The following AXIN1 variants were observed in gnomAD, a reference collection of about 807,000 sequenced individuals.
AXIN1 encodes axin 1, also known as axin-1.
AXIN1 carries 30 observed loss-of-function variants against 76.4 expected under a neutral mutation model. The observed-to-expected ratio is 0.39, with a 90% confidence interval of 0.29 to 0.53. AXIN1 has a LOEUF of 0.53. AXIN1 is among the 20% of genes least tolerant of loss of function. AXIN1 has a pLI of 0.66. For missense variants in AXIN1, 1,140 were observed against 1,198.8 expected (o/e 0.95, Z 0.72); for synonymous variants, 545 against 501.4 (o/e 1.09, Z -1.16).
rs1330932279 is a variant in AXIN1, at chr16:332,783, T to A, written c.878+13365A>T. 2.0e-5 allele frequency among the ~76,000 whole-genome samples: 3 copies of A among 151,852 alleles called. 1 individual carries two copies. The highest frequency in any genetic ancestry group is 7.3e-5 in the African/African-American group (3 of 41,292). ...AAGAAATGCAAAATATATGAAAGAT[T>A]TAAAATTTAAAGGATCACTCTAAAT... is the stretch of plus-strand genomic sequence containing the variant. On this transcript the variant is annotated intron_variant, in intron 2 of 10. Transcript: ENST00000262320.
chr16:289,639 T>G (rs2141469454), intron 9 of AXIN1, 32 bp from the exon 10 acceptor site: 1 of 1,611,156 alleles, frequency 6.2e-7, no homozygotes, highest in Non-Finnish European at 8.5e-7. Context: ...TGGTACCTGG[T>G]TTTGGACTGA....
Position 352,449 on chromosome 16 carries a change from C to A in AXIN1, c.-162G>T. On this transcript the variant is annotated 5_prime_UTR_variant, in exon 1 of 11. Transcript: ENST00000262320. ...TCCGGGCCCATGCGCTCAGCGGCAGCGCGGCGGGCGGGACCCGGCGGGGGC... is the reference window on the plus strand; with the variant it reads ...TCCGGGCCCATGCGCTCAGCGGCAGAGCGGCGGGCGGGACCCGGCGGGGGC... 1 of 973,934 alleles carries A rather than the reference C, an allele frequency of 1.0e-6. No individual in the cohort carries two copies. Among genetic ancestry groups the A allele is most frequent in the African/African-American group, 1.8e-5 (1 of 56,590 alleles). The allele number at this position is 973,934 out of a possible 1,614,324, so 60.3% of individuals were successfully genotyped here.
chr16:351,854 A>G (rs1160151904), intron 1 of AXIN1, among the ~76,000 whole-genome samples: 2 of 152,178 alleles, frequency 1.3e-5, no homozygotes, highest in East Asian at 3.9e-4. Flanking sequence ...CTGCTCGGGC[A>G]GTGCAGCTCT....
rs113073289 is a variant in AXIN1, at chr16:289,499, C to T, written c.2403G>A (p.Arg801=). 12,505 of 1,612,972 alleles carry T rather than the reference C, an allele frequency of 7.8e-3. 66 individuals are homozygous for T. The highest frequency in any genetic ancestry group is 9.6e-3 in the Non-Finnish European group (11,291 of 1,180,020). The change falls in exon 10 of 11, where the codon AGG becomes AGA. Residue 801 remains arginine (R), a synonymous_variant. Coordinates refer to ENST00000262320, the MANE Select transcript of AXIN1 (RefSeq NM_003502.4). The part of the protein sequence containing the change: ...GEPIPYRTLV[R]GRAVTLGQFK... Reference sequence around the variant, plus strand: ...ACTGGCCCAGGGTGACAGCGCGGCCCCTCACCAGGGTGCGGTAGGGGATGG... The same window carrying T: ...ACTGGCCCAGGGTGACAGCGCGGCCTCTCACCAGGGTGCGGTAGGGGATGG...
chr16:326,397 A>G lies in AXIN1; in HGVS notation c.879-11714T>C, dbSNP rs1158530522. Among the ~76,000 whole-genome samples, 3 of 143,200 alleles carry G rather than the reference A, an allele frequency of 2.1e-5. No homozygotes were observed. The East Asian group carries it at 6.0e-4, about 29-fold the overall frequency. The allele number at this position is 143,200 out of a possible 152,430, so 93.9% of individuals were successfully genotyped here. On this transcript the variant is annotated intron_variant, in intron 2 of 10. Transcript: ENST00000262320. Reference sequence around the variant, plus strand: ...AATATATATATATATATATATATACACACCTATAGATAAATAACCTACCTT... The same window carrying G: ...AATATATATATATATATATATATACGCACCTATAGATAAATAACCTACCTT...
rs181249064 is a variant in AXIN1, at chr16:323,106, G to T, written c.879-8423C>A. 4.3e-4 allele frequency among the ~76,000 whole-genome samples: 66 copies of T among 152,220 alleles called. No homozygotes were observed. The Middle Eastern group carries it at 0.01, about 24-fold the overall frequency. ...AGTTCGAGACCAGCCTAGGCAAGAG[G>T]TCAAGACCCTGTCTTGAAAGAAAGA... is the stretch of plus-strand genomic sequence containing the variant. On this transcript the variant is annotated intron_variant, in intron 2 of 10. Transcript: ENST00000262320.
At chr16:317,987 C>T (rs986112939) in intron 2 of AXIN1, among the ~76,000 whole-genome samples, 14 of 152,260 alleles carry the variant, frequency 9.2e-5, no homozygotes, top group Admixed American at 5.9e-4. Context: ...AAGTCTACGT[C>T]CACGGCACAC....
chr16:314,471 G>T (rs2053253307), intron 3 of AXIN1, 72 bp downstream of exon 3: 1 of 1,600,546 alleles, frequency 6.2e-7, no homozygotes. Flanking sequence ...CTGTCCTCAA[G>T]GGACAAGGTG....
At chr16:320,316 G>A (rs969663030) in intron 2 of AXIN1, among the ~76,000 whole-genome samples, 1 of 152,146 alleles carries the variant, frequency 6.6e-6, no homozygotes, top group Non-Finnish European at 1.5e-5. Flanking sequence ...AATGTGCTGG[G>A]ATTACAGGCA....
At chr16:312,679 G>C (rs1169294893) in intron 3 of AXIN1, among the ~76,000 whole-genome samples, 1 of 150,846 alleles carries the variant, frequency 6.6e-6, no homozygotes, top group Non-Finnish European at 1.5e-5. Flanking sequence ...ATTAAACGAG[G>C]ATGAAAGAAA....
In AXIN1 at chr16:287,926, T is replaced by C. The variant is rs45603940; in HGVS notation, c.*196A>G. ...ATGAGGAGTGGTCCAGGCTGCCTCC[T>C]TGGGGGCAGGACAGAAGCTTGTGGA... On this transcript the variant is annotated 3_prime_UTR_variant, in exon 11 of 11. Coordinates refer to ENST00000262320, the MANE Select transcript of AXIN1 (RefSeq NM_003502.4). 1,494 of 873,256 alleles carry C rather than the reference T, an allele frequency of 1.7e-3. 23 individuals carry two copies. The African/African-American group carries it at 0.022, about 13-fold the overall frequency. 54.1% of individuals were successfully genotyped at this position (873,256 alleles called of 1,614,324 possible).
Position 297,988 on chromosome 16 carries a change from C to T in AXIN1, c.1518G>A (p.Leu506=), listed in dbSNP as rs1204168616. The change falls in exon 6 of 11, where the codon CTG becomes CTA. Residue 506 remains leucine (L), a synonymous_variant. Coordinates refer to ENST00000262320, the MANE Select transcript of AXIN1 (RefSeq NM_003502.4). ...SGHVAKMPVA[L]GGAASGHGKH... is the part of the protein sequence containing the mutation. Reference sequence around the variant, plus strand: ...TCCCGTGCCCCGAGGCGGCACCCCCCAGTGCCACTGGCATCTTGGCCACGT... The same window carrying T: ...TCCCGTGCCCCGAGGCGGCACCCCCTAGTGCCACTGGCATCTTGGCCACGT... 1 of 1,601,606 alleles carries T rather than the reference C, an allele frequency of 6.2e-7. No homozygotes were observed. Among genetic ancestry groups the T allele is most frequent in the Non-Finnish European group, 8.5e-7 (1 of 1,178,474 alleles).
intron 9 of AXIN1, chr16:289,850 C>A: frequency 1.7e-6 from 1 of 590,152 alleles, no homozygotes; most frequent in Non-Finnish European, 3.0e-6. Context: ...CACAGCCCCA[C>A]CCTCGACTGG....
intron 2 of AXIN1, among the ~76,000 whole-genome samples, chr16:316,535 G>A (rs753477336): frequency 7.9e-5 from 12 of 152,284 alleles, no homozygotes; most frequent in South Asian, 4.1e-4. Flanking sequence ...GCCCCCACTC[G>A]GCTTTGCTTT....
intron 2 of AXIN1, among the ~76,000 whole-genome samples, chr16:320,739 A>ATTTTTTT (rs1442116204): frequency 3.2e-4 from 29 of 91,964 alleles, no homozygotes; most frequent in African/African-American, 1.5e-3. Flanking sequence ...ATATATATAT[A>ATTTTTTT]TATATTTTTT....
At chr16:297,581 C>G in intron 6 of AXIN1, 141 bp downstream of exon 6, 2 of 1,258,532 alleles carry the variant, frequency 1.6e-6, no homozygotes, top group Non-Finnish European at 2.1e-6. Context: ...ACCCAGGGCC[C>G]AGTCCACTCC....
chr16:289,079 CTTCTTT>C (rs776096628), intron 10 of AXIN1, among the ~76,000 whole-genome samples: 2 of 137,540 alleles, frequency 1.5e-5, no homozygotes, highest in African/African-American at 2.8e-5. Flanking sequence ...AGCCCTTTTT[CTTCTTT>C]TTTTTTTTTT....
chr16:309,944 G>A lies in AXIN1; in HGVS notation c.1116+29C>T, dbSNP rs372286097. The A allele has an allele frequency of 2.5e-6, 4 of 1,607,404 alleles. No homozygotes were observed. In the African/African-American group the frequency reaches 4.0e-5, roughly 16 times the overall value. ...GCCCACGCTGAGCGGGGAGGACGATGGGCTGAGGACCGCAAAGCCGGTACT... is the reference window on the plus strand; with the variant it reads ...GCCCACGCTGAGCGGGGAGGACGATAGGCTGAGGACCGCAAAGCCGGTACT... On this transcript the variant is annotated intron_variant, in intron 4 of 10. Transcript: ENST00000262320.
chr16:314,900 C>G (rs907984568), intron 2 of AXIN1, among the ~76,000 whole-genome samples: 1 of 152,232 alleles, frequency 6.6e-6, no homozygotes, highest in Non-Finnish European at 1.5e-5. Context: ...GGCATCTTTC[C>G]AGATCTCTCC....
Sources: gnomAD v4.1 joint callset for allele counts (sites outside exome capture counted in the v4.1 genomes callset) on GRCh38, gnomAD v4.1.1 for gene constraint, MANE v1.5 for transcripts, NCBI Gene and HGNC (gene_info 2026-07-23, HGNC 2026-07-21) for gene names.